The following PCDHA12 variants were observed in gnomAD, a reference collection of about 807,000 sequenced individuals.
PCDHA12 encodes protocadherin alpha 12, also known as protocadherin alpha-12.
A neutral mutation model predicts 60.0 loss-of-function variants in PCDHA12; 44 were observed. The observed-to-expected ratio is 0.73, with a 90% CI of 0.58 to 0.94. The LOEUF (loss-of-function observed/expected upper bound fraction) is 0.94, where lower values mean the gene tolerates loss of function less well. PCDHA12 is among the 40% of genes least tolerant of loss of function. The pLI, the probability that PCDHA12 is intolerant of heterozygous loss-of-function variation, is 0.00. For missense variants in PCDHA12, 1,276 were observed against 1,239.7 expected (o/e 1.03, Z -0.44); for synonymous variants, 569 against 553.0 (o/e 1.03, Z -0.40).
At position 140,928,256 on chromosome 5, in the gene PCDHA12, CT is replaced by C. The variant is rs1563103175; in HGVS notation, c.2367+50418del. 2.5e-6 allele frequency: 4 copies of C among 1,614,234 alleles called. No homozygotes were observed. The Admixed American group carries it at 6.7e-5, about 27-fold the overall frequency. On this transcript the variant is annotated intron_variant, in intron 1 of 3. Transcript: ENST00000398631. ...CAACCCCAGCAGGAACTTTTCGTTG[CT>C]GAAAACAATGGCCCTGGGGCCTCTC... is the stretch of plus-strand genomic sequence containing the variant.
rs1554213778 is a variant in PCDHA12, at chr5:140,941,190, T to TC, written c.2368-37759_2368-37758insC. ...CCATCTTGAACATCCTGCTTCTTTT[T>TC]TTTTCTTTCTTCCTTTCTTTCTTCC... On this transcript the variant is annotated intron_variant, in intron 1 of 3. Coordinates refer to ENST00000398631, the MANE Select transcript of PCDHA12 (RefSeq NM_018903.4). Among the ~76,000 whole-genome samples, 446 of 129,506 alleles carry TC rather than the reference T, an allele frequency of 3.4e-3. 3 individuals are homozygous for TC. Among genetic ancestry groups the TC allele is most frequent in the South Asian group, 0.026 (101 of 3,954 alleles). The allele number at this position is 129,506 out of a possible 152,430, so 85.0% of individuals were successfully genotyped here.
chr5:140,910,708 A>G (rs1227801513), intron 1 of PCDHA12, among the ~76,000 whole-genome samples: 2 of 152,164 alleles, frequency 1.3e-5, no homozygotes, highest in African/African-American at 4.8e-5. Context: ...ACAGTGGGCC[A>G]TCTTTTAATC....
At chr5:140,981,338 G>A (rs1563488090) in intron 2 of PCDHA12, among the ~76,000 whole-genome samples, 1 of 152,100 alleles carries the variant, frequency 6.6e-6, no homozygotes, top group Non-Finnish European at 1.5e-5. Context: ...CTTTGGGAGG[G>A]TGAGGCAGGT....
intron 1 of PCDHA12, among the ~76,000 whole-genome samples, chr5:140,950,372 C>G (rs1369892292): frequency 1.3e-5 from 2 of 151,918 alleles, no homozygotes; most frequent in African/African-American, 4.8e-5. Context: ...ATCTATTTAT[C>G]TTCCATTTGA....
At chr5:140,965,496 ATTTTTT>A (rs71766133) in intron 1 of PCDHA12, among the ~76,000 whole-genome samples, 2 of 146,442 alleles carry the variant, frequency 1.4e-5, no homozygotes, top group African/African-American at 2.5e-5. Flanking sequence ...ATGACAGCAG[ATTTTTT>A]TTTTTTTTTA....
chr5:140,882,928 C>G (rs1554176132), intron 1 of PCDHA12: 1 of 1,614,140 alleles, frequency 6.2e-7, no homozygotes, highest in South Asian at 1.1e-5. Flanking sequence ...GAGGTAAACC[C>G]GAGCTGACTG....
At chr5:140,878,399 A>T (rs1246599611) in intron 1 of PCDHA12, among the ~76,000 whole-genome samples, 2 of 152,238 alleles carry the variant, frequency 1.3e-5, no homozygotes, top group East Asian at 3.8e-4. Flanking sequence ...TTGCTCACAA[A>T]ATATCTTCTT....
intron 1 of PCDHA12, among the ~76,000 whole-genome samples, chr5:140,963,268 T>C (rs1329086504): frequency 6.6e-6 from 1 of 152,042 alleles, no homozygotes; most frequent in African/African-American, 2.4e-5. Flanking sequence ...GACTTTGAAA[T>C]GTATGTAAGA....
At chr5:140,948,752 C>T (rs246047) in intron 1 of PCDHA12, among the ~76,000 whole-genome samples, 85,413 of 151,184 alleles carry the variant, frequency 0.56, 24,715 homozygotes, top group African/African-American at 0.69. Context: ...ATCAATTTTG[C>T]TGATTTTTTT....
chr5:140,986,220 T>C (rs2097190951), intron 3 of PCDHA12, among the ~76,000 whole-genome samples: 1 of 152,194 alleles, frequency 6.6e-6, no homozygotes, highest in African/African-American at 2.4e-5. Flanking sequence ...CCCCTTTCTC[T>C]AGCCTCCCCT....
intron 3 of PCDHA12, among the ~76,000 whole-genome samples, chr5:140,993,108 G>A (rs1554253416): frequency 6.6e-6 from 1 of 152,202 alleles, no homozygotes; most frequent in African/African-American, 2.4e-5. Flanking sequence ...TCAGCGGTCA[G>A]TGTCACATCA....
chr5:140,954,750 T>C (rs1045434392), intron 1 of PCDHA12, among the ~76,000 whole-genome samples: 7 of 152,228 alleles, frequency 4.6e-5, no homozygotes, highest in Non-Finnish European at 2.9e-5. Flanking sequence ...TAGTTTCTTT[T>C]GCTGTGCAGA....
At chr5:140,898,430 C>G (rs2153460461) in intron 1 of PCDHA12, among the ~76,000 whole-genome samples, 1 of 152,270 alleles carries the variant, frequency 6.6e-6, no homozygotes, top group East Asian at 1.9e-4. Flanking sequence ...TTCCCAGCAC[C>G]ATTTATTAAA....
intron 3 of PCDHA12, among the ~76,000 whole-genome samples, chr5:140,996,335 T>G (rs887353118): frequency 1.3e-5 from 2 of 152,202 alleles, no homozygotes; most frequent in African/African-American, 4.8e-5. Flanking sequence ...AAGAAAAGTT[T>G]GAAAACCCAA....
intron 1 of PCDHA12, chr5:140,884,562 A>C (rs782650365): frequency 6.2e-7 from 1 of 1,614,166 alleles, no homozygotes; most frequent in Non-Finnish European, 8.5e-7. Flanking sequence ...GAGGGCCCGC[A>C]TAAGACGGAC....
intron 1 of PCDHA12, among the ~76,000 whole-genome samples, chr5:140,937,780 C>T (rs1459266022): frequency 3.3e-5 from 5 of 151,656 alleles, no homozygotes; most frequent in African/African-American, 7.3e-5. Flanking sequence ...GGCGTGGTGG[C>T]GGGCGTATGT....
At chr5:140,939,897 T>G (rs1563176465) in intron 1 of PCDHA12, among the ~76,000 whole-genome samples, 1 of 152,230 alleles carries the variant, frequency 6.6e-6, no homozygotes. Flanking sequence ...TCAAATATTC[T>G]GCATTCTTTT....
chr5:140,882,094 C>T, intron 1 of PCDHA12: 1 of 1,172,684 alleles, frequency 8.5e-7, no homozygotes, highest in Non-Finnish European at 1.2e-6. Context: ...TCACTGAGAA[C>T]GTTTCCGCGA....
intron 1 of PCDHA12, among the ~76,000 whole-genome samples, chr5:140,886,751 G>A (rs1156754601): frequency 2.0e-5 from 3 of 151,312 alleles, no homozygotes; most frequent in African/African-American, 7.3e-5. Context: ...GCTTGAACCC[G>A]GGAGGTGGAG....
Sources: gnomAD v4.1 joint callset for allele counts (sites outside exome capture counted in the v4.1 genomes callset) on GRCh38, gnomAD v4.1.1 for gene constraint, MANE v1.5 for transcripts, NCBI Gene and HGNC (gene_info 2026-07-23, HGNC 2026-07-21) for gene names.